MAST4: variants seen among roughly 807,000 people sequenced by gnomAD.
MAST4 encodes microtubule-associated serine/threonine-protein kinase 4.
A neutral mutation model predicts 162.7 loss-of-function variants in MAST4; 89 were observed. That is an observed-to-expected ratio of 0.55 (90% CI 0.46 to 0.65). The LOEUF is 0.65. Among genes scored for constraint, MAST4 ranks in the 30% least tolerant of loss-of-function variants. MAST4 has a pLI of 0.00. For synonymous variants in MAST4, 1,479 were observed against 1,361.1 expected, an observed-to-expected ratio of 1.09 and a Z score of -1.91; for missense variants, 3,153 against 3,374.0, an observed-to-expected ratio of 0.93 and a Z score of 1.62.
intron 3 of MAST4, among the ~76,000 whole-genome samples, chr5:66,823,115 A>T (rs1349630674): frequency 1.3e-5 from 2 of 152,008 alleles, no homozygotes; most frequent in African/African-American, 4.8e-5. Flanking sequence ...CTCACTTGAC[A>T]CTTCTCCTTC....
chr5:66,794,412 G>A (rs1389232915), intron 3 of MAST4, among the ~76,000 whole-genome samples: 6 of 152,188 alleles, frequency 3.9e-5, no homozygotes. Flanking sequence ...CTCTTGTACA[G>A]TACTTTGCAT....
chr5:67,149,626 G>T lies in MAST4; in HGVS notation c.3295+37G>T, dbSNP rs772627566. The T allele has an allele frequency of 3.1e-6, 5 of 1,592,314 alleles. No individual in the cohort carries two copies. The East Asian group carries it at 1.1e-4, about 36-fold the overall frequency. ...CTACTTGCATGAAATTGTGTGATTT[G>T]TGCATGTGGTCCCATCCCTCCTCTC... On this transcript the variant is annotated intron_variant, in intron 24 of 28. Transcript: ENST00000403625.
chr5:66,758,283 C>G (rs993999809), intron 1 of MAST4, among the ~76,000 whole-genome samples: 1 of 151,682 alleles, frequency 6.6e-6, no homozygotes, highest in African/African-American at 2.4e-5. Context: ...GCAGCTAAGC[C>G]GATGAGGTCT....
chr5:67,156,814 C>T (rs1176638104), intron 26 of MAST4, among the ~76,000 whole-genome samples: 1 of 152,182 alleles, frequency 6.6e-6, no homozygotes, highest in Non-Finnish European at 1.5e-5. Flanking sequence ...GAAGGAAATG[C>T]AAAAGCAGTC....
chr5:66,814,675 T>C lies in MAST4; in HGVS notation c.642+25881T>C, dbSNP rs4700163. 6.3e-3 allele frequency among the ~76,000 whole-genome samples: 961 copies of C among 152,328 alleles called. 37 individuals carry two copies. The highest frequency in any genetic ancestry group is 0.058 in the Admixed American group (885 of 15,302). On this transcript the variant is annotated intron_variant, in intron 3 of 28. Transcript: ENST00000403625. ...AATACTGGGGATTTTTAAAAAGATG[T>C]ATCTGTCAAGCATGTGAGATAAAGG...
chr5:67,046,435 ATC>A (rs1272373273), intron 4 of MAST4, among the ~76,000 whole-genome samples: 2 of 152,208 alleles, frequency 1.3e-5, no homozygotes, highest in Non-Finnish European at 2.9e-5. Context: ...TTTTTGTTGT[ATC>A]TCTTTTCCAG....
intron 1 of MAST4, among the ~76,000 whole-genome samples, chr5:66,677,401 A>C (rs184044828): frequency 6.6e-6 from 1 of 152,050 alleles, no homozygotes; most frequent in Non-Finnish European, 1.5e-5. Flanking sequence ...CTTTTAGTTT[A>C]TTGTTCTGGA....
At chr5:66,916,160 G>T (rs1764104659) in intron 4 of MAST4, among the ~76,000 whole-genome samples, 1 of 152,206 alleles carries the variant, frequency 6.6e-6, no homozygotes, top group East Asian at 1.9e-4. Flanking sequence ...ATGTTAACCT[G>T]TTTCTTTAAA....
chr5:67,145,818 A>C (rs1168365031), intron 23 of MAST4, among the ~76,000 whole-genome samples: 1 of 152,192 alleles, frequency 6.6e-6, no homozygotes, highest in Non-Finnish European at 1.5e-5. Context: ...AATCACCCTA[A>C]GGCACAGTAT....
intron 1 of MAST4, among the ~76,000 whole-genome samples, chr5:66,643,222 G>A (rs182585418): frequency 1.3e-5 from 2 of 152,144 alleles, no homozygotes; most frequent in Admixed American, 6.5e-5. Flanking sequence ...ATAAAATGTC[G>A]GGAACCATAT....
intron 2 of MAST4, among the ~76,000 whole-genome samples, chr5:66,775,181 G>A (rs1754540196): frequency 1.3e-5 from 2 of 152,064 alleles, no homozygotes; most frequent in Non-Finnish European, 2.9e-5. Flanking sequence ...GCTCTTTGTG[G>A]ATCAAATAAT....
At chr5:67,006,054 A>G (rs910375961) in intron 4 of MAST4, among the ~76,000 whole-genome samples, 2 of 152,256 alleles carry the variant, frequency 1.3e-5, no homozygotes, top group African/African-American at 4.8e-5. Flanking sequence ...TTTTTGTAGT[A>G]TAAATGTGGA....
rs1049406980 is a variant in MAST4, at chr5:67,004,839, T to G, written c.675-49565T>G. 31 of 604,396 alleles carry G rather than the reference T, an allele frequency of 5.1e-5. No individual in the cohort carries two copies. The East Asian group carries it at 8.4e-4, about 16-fold the overall frequency. 37.4% of individuals were successfully genotyped at this position (604,396 alleles called of 1,614,324 possible). ...TCTCAGACATGCTCCAAGTTGTTCT[T>G]GAGATCACAGTTCCCATCACATTTT... On this transcript the variant is annotated intron_variant, in intron 4 of 28. Transcript: ENST00000403625.
intron 4 of MAST4, among the ~76,000 whole-genome samples, chr5:67,014,948 A>C (rs528410326): frequency 6.6e-6 from 1 of 152,312 alleles, no homozygotes; most frequent in South Asian, 2.1e-4. Flanking sequence ...AGGGTGATTT[A>C]GAGGTCAAAG....
Position 67,164,675 on chromosome 5 carries a change from T to C in MAST4, c.5496T>C (p.Ser1832=). The change falls in exon 29 of 29, where the codon AGT becomes AGC. Residue 1832 remains serine (S), a synonymous_variant. Coordinates refer to ENST00000403625, the MANE Select transcript of MAST4 (RefSeq NM_001164664.2). This position sits in a 1 kb window ranked among gnomAD's most constrained non-coding sequence, Gnocchi z 5.3. ...SPESAQSPSP[S]GDVRASVPPV... ...AGTCTGCACAGAGCCCCAGCCCAAGTGGTGACGTGAGGGCCTCTGTGCCAC... is the reference window on the plus strand; with the variant it reads ...AGTCTGCACAGAGCCCCAGCCCAAGCGGTGACGTGAGGGCCTCTGTGCCAC... The C allele has an allele frequency of 6.2e-7, 1 of 1,613,918 alleles. No homozygotes were observed. Among genetic ancestry groups the C allele is most frequent in the Non-Finnish European group, 8.5e-7 (1 of 1,179,864 alleles).
chr5:66,924,330 A>G (rs1466159058), intron 4 of MAST4, among the ~76,000 whole-genome samples: 2 of 152,018 alleles, frequency 1.3e-5, no homozygotes, highest in Non-Finnish European at 2.9e-5. Flanking sequence ...ATTGTGGTCT[A>G]TCTTTTGAGT....
chr5:66,824,116 G>A lies in MAST4; in HGVS notation c.642+35322G>A, dbSNP rs531086988. 2.6e-5 allele frequency among the ~76,000 whole-genome samples: 4 copies of A among 152,304 alleles called. No homozygotes were observed. In the South Asian group the frequency reaches 6.2e-4, roughly 24 times the overall value. On this transcript the variant is annotated intron_variant, in intron 3 of 28. Coordinates refer to ENST00000403625, the MANE Select transcript of MAST4 (RefSeq NM_001164664.2). ...TGAATGAACATTTAGAGAGACATAT[G>A]AACCCTTGGTCTGTTGTCTACAAGT...
At chr5:66,805,795 A>G (rs746012678) in intron 3 of MAST4, among the ~76,000 whole-genome samples, 6 of 152,174 alleles carry the variant, frequency 3.9e-5, no homozygotes, top group Non-Finnish European at 7.4e-5. Flanking sequence ...GGGTGGTGGC[A>G]GGTCTCCAAA....
intron 4 of MAST4, among the ~76,000 whole-genome samples, chr5:67,050,265 G>A (rs1190849193): frequency 6.6e-6 from 1 of 152,212 alleles, no homozygotes; most frequent in Non-Finnish European, 1.5e-5. Flanking sequence ...AACTCAGGGA[G>A]CAGGTGTGGT....
Sources: allele counts gnomAD v4.1 joint callset (sites outside exome capture counted in the v4.1 genomes callset), GRCh38; gene constraint gnomAD v4.1.1; non-coding constraint Gnocchi (gnomAD v3.1); transcripts MANE v1.5; gene names NCBI Gene and HGNC (gene_info 2026-07-23, HGNC 2026-07-21).